The following MTHFD2L variants were observed in gnomAD, a reference collection of about 807,000 sequenced individuals.
MTHFD2L encodes bifunctional methylenetetrahydrofolate dehydrogenase/cyclohydrolase 2, mitochondrial.
MTHFD2L carries 29 observed loss-of-function variants against 34.9 expected under a neutral mutation model. That is an observed-to-expected ratio of 0.83 (90% confidence interval 0.62 to 1.13). The LOEUF (loss-of-function observed/expected upper bound fraction) is 1.13, where lower values mean the gene tolerates loss of function less well. MTHFD2L is among the 50% of genes most tolerant of loss of function. MTHFD2L has a pLI of 0.00. For synonymous variants in MTHFD2L, 167 were observed against 155.7 expected (o/e 1.07, Z -0.54); for missense variants, 481 against 446.5 (o/e 1.08, Z -0.70).
intron 1 of MTHFD2L, among the ~76,000 whole-genome samples, chr4:74,145,713 G>C (rs2109844767): frequency 6.6e-6 from 1 of 152,266 alleles, no homozygotes; most frequent in East Asian, 1.9e-4. Context: ...ATCAGGCCTG[G>C]TGGGAGGTAA....
At chr4:74,220,974 T>C (rs1209493227) in intron 5 of MTHFD2L, among the ~76,000 whole-genome samples, 2 of 151,114 alleles carry the variant, frequency 1.3e-5, no homozygotes, top group African/African-American at 4.8e-5. Flanking sequence ...CATTGCTTTA[T>C]ATTTATTTTA....
chr4:74,126,633 G>C (rs926634601), intron 1 of MTHFD2L, among the ~76,000 whole-genome samples: 1 of 152,052 alleles, frequency 6.6e-6, no homozygotes, highest in Non-Finnish European at 1.5e-5. Context: ...ACAAAGTTAA[G>C]TCAGGGAATG....
At chr4:74,218,199 A>G (rs1445641337) in intron 5 of MTHFD2L, among the ~76,000 whole-genome samples, 1 of 152,022 alleles carries the variant, frequency 6.6e-6, no homozygotes, top group African/African-American at 2.4e-5. Context: ...TTTTCCAGAG[A>G]CAATAGTTAG....
chr4:74,262,658 TAAAGC>T (rs1420746379), intron 6 of MTHFD2L, among the ~76,000 whole-genome samples: 3 of 151,950 alleles, frequency 2.0e-5, no homozygotes, highest in African/African-American at 7.2e-5. Context: ...AATTGCAAAT[TAAAGC>T]AAAACAAGAC....
At chr4:74,246,962 C>G (rs1350049958) in intron 6 of MTHFD2L, among the ~76,000 whole-genome samples, 8 of 152,012 alleles carry the variant, frequency 5.3e-5, no homozygotes, top group South Asian at 4.2e-4. Flanking sequence ...GGCGATGCGG[C>G]CTCTTTTTTG....
At chr4:74,277,697 C>G (rs142605357) in intron 6 of MTHFD2L, among the ~76,000 whole-genome samples, 128 of 152,026 alleles carry the variant, frequency 8.4e-4, no homozygotes, top group African/African-American at 2.9e-3. Flanking sequence ...TTTTTCCTTT[C>G]TTCTCTCCAA....
chr4:74,292,526 A>G (rs1437370077), intron 7 of MTHFD2L, among the ~76,000 whole-genome samples: 1 of 152,104 alleles, frequency 6.6e-6, no homozygotes, highest in Non-Finnish European at 1.5e-5. Flanking sequence ...TCTAGTTTAC[A>G]GATTTGCCAC....
chr4:74,212,073 T>G (rs1382946541), intron 5 of MTHFD2L, among the ~76,000 whole-genome samples: 2 of 152,178 alleles, frequency 1.3e-5, no homozygotes, highest in Non-Finnish European at 2.9e-5. Flanking sequence ...GATTCTTCTC[T>G]CTTTGCTTCT....
At chr4:74,215,983 CA>C (rs918055515) in intron 5 of MTHFD2L, among the ~76,000 whole-genome samples, 1 of 151,184 alleles carries the variant, frequency 6.6e-6, no homozygotes, top group Non-Finnish European at 1.5e-5. Context: ...AAAAAAATGA[CA>C]GTTATCCAAT....
intron 6 of MTHFD2L, among the ~76,000 whole-genome samples, chr4:74,271,310 T>C (rs948412054): frequency 3.9e-5 from 6 of 151,948 alleles, no homozygotes; most frequent in Non-Finnish European, 5.9e-5. Flanking sequence ...TTAGGTCTAA[T>C]ATTTAAGTCT....
chr4:74,179,588 C>T (rs579988), intron 3 of MTHFD2L, among the ~76,000 whole-genome samples: 150,753 of 152,156 alleles, frequency 0.99, 74,696 homozygotes, highest in Middle Eastern at 1. Context: ...ATTTACTGAC[C>T]GTTACTTAAC....
chr4:74,180,852 G>A (rs148689342), intron 3 of MTHFD2L: 153 of 215,498 alleles, frequency 7.1e-4, no homozygotes, highest in Admixed American at 1.3e-3. Flanking sequence ...ATCAATAAGT[G>A]GTCACTTTGT....
chr4:74,256,639 A>G (rs533621644), intron 6 of MTHFD2L, among the ~76,000 whole-genome samples: 2 of 152,314 alleles, frequency 1.3e-5, no homozygotes, highest in South Asian at 4.1e-4. Flanking sequence ...CCATTTATGG[A>G]ATAGAAAGTC....
At chr4:74,225,543 A>G (rs550707216) in intron 6 of MTHFD2L, 149 bp downstream of exon 6, 16 of 637,768 alleles carry the variant, frequency 2.5e-5, no homozygotes, top group South Asian at 2.4e-4. Context: ...GGCAATCATT[A>G]TATCAGTCCA....
chr4:74,167,159 G>T (rs1184395240), intron 1 of MTHFD2L, among the ~76,000 whole-genome samples: 1 of 152,208 alleles, frequency 6.6e-6, no homozygotes, highest in Non-Finnish European at 1.5e-5. Context: ...CCCCCTGTGA[G>T]TTGAAGCATT....
chr4:74,159,017 A>G (rs911704009), intron 1 of MTHFD2L, among the ~76,000 whole-genome samples: 3 of 152,246 alleles, frequency 2.0e-5, no homozygotes, highest in Admixed American at 2.0e-4. Flanking sequence ...CAGGGCTTCC[A>G]GAAATGCGCT....
At chr4:74,187,918 CA>C (rs1363910414) in intron 3 of MTHFD2L, among the ~76,000 whole-genome samples, 1 of 151,904 alleles carries the variant, frequency 6.6e-6, no homozygotes, top group Non-Finnish European at 1.5e-5. Flanking sequence ...TATGAATGTT[CA>C]TAGAACCTTT....
intron 7 of MTHFD2L, among the ~76,000 whole-genome samples, chr4:74,284,050 A>G (rs548482055): frequency 3.3e-5 from 5 of 152,202 alleles, no homozygotes; most frequent in Non-Finnish European, 5.9e-5. Context: ...TATAGCCAAG[A>G]TAAACAAAAC....
chr4:74,189,434 A>G (rs978865641), intron 3 of MTHFD2L, among the ~76,000 whole-genome samples: 6 of 150,298 alleles, frequency 4.0e-5, no homozygotes, highest in Admixed American at 6.6e-5. Flanking sequence ...TCTTGCATGT[A>G]AAGTATGTTA....
Sources: allele counts gnomAD v4.1 joint callset (sites outside exome capture counted in the v4.1 genomes callset), GRCh38; gene constraint gnomAD v4.1.1; transcripts MANE v1.5; gene names NCBI Gene and HGNC (gene_info 2026-07-23, HGNC 2026-07-21).